PRKCE: variants seen among roughly 807,000 people sequenced by gnomAD.
The protein encoded by PRKCE is protein kinase C epsilon.
A neutral mutation model predicts 85.4 loss-of-function variants in PRKCE; 16 were observed. The ratio of observed to expected loss-of-function variants is 0.19; its 90% CI spans 0.13 to 0.28. The LOEUF is 0.28. Ranked by LOEUF, PRKCE falls within the 10% of genes least tolerant of loss-of-function variation. The pLI is 1.00. For missense variants in PRKCE, 573 were observed against 975.2 expected (o/e 0.59, Z 5.49); for synonymous variants, 388 against 371.5 (o/e 1.04, Z -0.51).
At chr2:45,916,903 T>C (rs2103886411) in intron 2 of PRKCE, among the ~76,000 whole-genome samples, 2 of 152,278 alleles carry the variant, frequency 1.3e-5, no homozygotes, top group Middle Eastern at 6.8e-3. Flanking sequence ...TTCTGGTGGG[T>C]TCGTGGTCTC....
At chr2:45,756,163 A>G (rs1683987049) in intron 1 of PRKCE, among the ~76,000 whole-genome samples, 1 of 152,196 alleles carries the variant, frequency 6.6e-6, no homozygotes, top group Non-Finnish European at 1.5e-5. Context: ...ACTGATGGGG[A>G]TGAGTCAGGT....
At chr2:46,057,103 G>A (rs537858245) in intron 10 of PRKCE, among the ~76,000 whole-genome samples, 3 of 152,134 alleles carry the variant, frequency 2.0e-5, no homozygotes, top group African/African-American at 4.8e-5. Flanking sequence ...GGCCTGACTC[G>A]GGCTTCCTCA....
intron 2 of PRKCE, among the ~76,000 whole-genome samples, chr2:45,920,755 C>T (rs1330307621): frequency 6.6e-6 from 1 of 152,034 alleles, no homozygotes; most frequent in Non-Finnish European, 1.5e-5. Context: ...AGGGGGTGGT[C>T]GCTAAAGAAT....
intron 11 of PRKCE, among the ~76,000 whole-genome samples, chr2:46,098,488 C>G (rs1181695923): frequency 6.6e-6 from 1 of 152,186 alleles, no homozygotes; most frequent in African/African-American, 2.4e-5. Context: ...ATAAGATTCA[C>G]TTTGTCCATC....
chr2:46,113,922 G>C (rs540371826), intron 11 of PRKCE, among the ~76,000 whole-genome samples: 1 of 152,162 alleles, frequency 6.6e-6, no homozygotes, highest in Non-Finnish European at 1.5e-5. Context: ...TGTCTCTACA[G>C]TTTTCTCTTC....
At chr2:46,034,945 T>C (rs537374161) in intron 10 of PRKCE, among the ~76,000 whole-genome samples, 3 of 152,380 alleles carry the variant, frequency 2.0e-5, no homozygotes, top group African/African-American at 7.2e-5. Context: ...GTGATAGCCC[T>C]ACTATGTGTG....
At chr2:46,056,114 G>C (rs1230501820) in intron 10 of PRKCE, among the ~76,000 whole-genome samples, 1 of 152,154 alleles carries the variant, frequency 6.6e-6, no homozygotes, top group African/African-American at 2.4e-5. Flanking sequence ...GAAGCAAGCT[G>C]TTTCGAGGAC....
At chr2:45,994,374 T>C (rs1277960958) in intron 6 of PRKCE, among the ~76,000 whole-genome samples, 1 of 152,188 alleles carries the variant, frequency 6.6e-6, no homozygotes, top group Non-Finnish European at 1.5e-5. Context: ...TATAATGACA[T>C]GAATCTACCA....
intron 2 of PRKCE, chr2:45,851,779 G>T (rs574824862): frequency 6.6e-6 from 1 of 152,192 alleles, no homozygotes; most frequent in Non-Finnish European, 1.5e-5. Flanking sequence ...ACGTCTAATG[G>T]CAGGGAACTC....
chr2:46,015,304 G>T (rs745915968), intron 10 of PRKCE, among the ~76,000 whole-genome samples: 1 of 151,950 alleles, frequency 6.6e-6, no homozygotes, highest in Non-Finnish European at 1.5e-5. Context: ...GACCCCCATT[G>T]TTGAAACCAT....
chr2:45,897,319 C>G (rs1397378456), intron 2 of PRKCE, among the ~76,000 whole-genome samples: 1 of 152,124 alleles, frequency 6.6e-6, no homozygotes, highest in African/African-American at 2.4e-5. Flanking sequence ...ATCTGTAGAC[C>G]TGCGGACACT....
intron 2 of PRKCE, among the ~76,000 whole-genome samples, chr2:45,867,464 G>A (rs1011209160): frequency 2.0e-5 from 3 of 152,164 alleles, no homozygotes; most frequent in Non-Finnish European, 2.9e-5. Context: ...CTCCTTCCCT[G>A]CTGCAGCCAA....
At chr2:45,942,564 G>C (rs951304192) in intron 2 of PRKCE, among the ~76,000 whole-genome samples, 2 of 152,212 alleles carry the variant, frequency 1.3e-5, no homozygotes, top group Non-Finnish European at 2.9e-5. Context: ...AACAGCAGGG[G>C]ATGGCGTAGG....
At chr2:46,130,266 T>C (rs1674290581) in intron 11 of PRKCE, among the ~76,000 whole-genome samples, 1 of 152,098 alleles carries the variant, frequency 6.6e-6, no homozygotes, top group Non-Finnish European at 1.5e-5. Context: ...ATATTTACAC[T>C]ATATGTATAT....
intron 1 of PRKCE, among the ~76,000 whole-genome samples, chr2:45,740,165 T>C (rs1312493997): frequency 1.6e-5 from 2 of 128,354 alleles, no homozygotes; most frequent in South Asian, 2.3e-4. Context: ...AAAAAAGGAC[T>C]TATTCACTGG....
intron 2 of PRKCE, among the ~76,000 whole-genome samples, chr2:45,904,471 A>C (rs1198735104): frequency 1.3e-5 from 2 of 152,174 alleles, no homozygotes; most frequent in East Asian, 3.9e-4. Flanking sequence ...ACATGTGAAA[A>C]TGAAACAATG....
chr2:45,700,527 A>C (rs187215888), intron 1 of PRKCE: 4 of 151,994 alleles, frequency 2.6e-5, no homozygotes, highest in African/African-American at 9.7e-5. Flanking sequence ...TGATGTAATA[A>C]ATTTCCTCCA....
At chr2:45,843,864 C>T (rs979803984) in intron 2 of PRKCE, among the ~76,000 whole-genome samples, 1 of 152,220 alleles carries the variant, frequency 6.6e-6, no homozygotes, top group African/African-American at 2.4e-5. Flanking sequence ...GAACAGTTGG[C>T]TTTAATGCCA....
intron 1 of PRKCE, among the ~76,000 whole-genome samples, chr2:45,728,666 C>T (rs1005350218): frequency 2.0e-5 from 3 of 152,176 alleles, no homozygotes; most frequent in Non-Finnish European, 2.9e-5. Flanking sequence ...CTGAAAGCCC[C>T]CAGGTTGCCT....
Sources: allele counts gnomAD v4.1 joint callset (sites outside exome capture counted in the v4.1 genomes callset), GRCh38; gene constraint gnomAD v4.1.1; transcripts MANE v1.5; gene names NCBI Gene and HGNC (gene_info 2026-07-23, HGNC 2026-07-21).